TIAM2: variants seen among roughly 807,000 people sequenced by gnomAD.
TIAM2 encodes the protein TIAM Rac1 associated GEF 2, also known as rho guanine nucleotide exchange factor TIAM2.
A neutral mutation model predicts 152.9 loss-of-function variants in TIAM2; 80 were observed. That is an observed-to-expected ratio of 0.52 (90% CI 0.44 to 0.63). The LOEUF (loss-of-function observed/expected upper bound fraction) is 0.63, where lower values mean the gene tolerates loss of function less well. TIAM2 is among the 30% of genes least tolerant of loss of function. The pLI, the probability that TIAM2 is intolerant of heterozygous loss-of-function variation, is 0.00. For synonymous variants in TIAM2, 804 were observed against 838.0 expected (o/e 0.96, Z 0.70); for missense variants, 1,965 against 2,120.1 (o/e 0.93, Z 1.44).
chr6:155,188,268 A>C (rs1781104417), intron 14 of TIAM2, among the ~76,000 whole-genome samples: 1 of 152,198 alleles, frequency 6.6e-6, no homozygotes, highest in African/African-American at 2.4e-5. Context: ...TCCATTTGGC[A>C]AATCGCTTAC....
chr6:155,198,901 C>T (rs911850291), intron 14 of TIAM2, among the ~76,000 whole-genome samples: 2 of 152,008 alleles, frequency 1.3e-5, no homozygotes, highest in Admixed American at 1.3e-4. Context: ...GGTGGAGAAC[C>T]ACATGCCCCA....
intron 14 of TIAM2, among the ~76,000 whole-genome samples, chr6:155,206,032 A>G (rs1200475367): frequency 6.6e-6 from 1 of 152,150 alleles, no homozygotes; most frequent in Non-Finnish European, 1.5e-5. Flanking sequence ...CTTTCGTTGT[A>G]AAGGATCTGG....
At chr6:155,029,160 T>A (rs1192208029) in intron 1 of TIAM2, among the ~76,000 whole-genome samples, 2 of 113,848 alleles carry the variant, frequency 1.8e-5, no homozygotes, top group African/African-American at 6.3e-5. Context: ...GTACTATGTG[T>A]TATATACACT....
chr6:155,081,676 C>G (rs62427482), intron 1 of TIAM2, among the ~76,000 whole-genome samples: 3,623 of 152,300 alleles, frequency 0.024, 70 homozygotes, highest in Middle Eastern at 0.058. Context: ...ATAGGGATGG[C>G]TCAGCCTCCG....
In TIAM2 at chr6:155,138,659, C is replaced by A. The variant is rs1456611698; in HGVS notation, c.1630+1047C>A. ...GTCCATGTGTTCTCATTGTTCAATT[C>A]CCACCTATGAGTGAGAACATGCGGT... On this transcript the variant is annotated intron_variant, in intron 5 of 26. Transcript: ENST00000682666. Among the ~76,000 whole-genome samples, 6 of 152,066 alleles carry A rather than the reference C, an allele frequency of 3.9e-5. No homozygotes were observed. In the East Asian group the frequency reaches 7.7e-4, roughly 20 times the overall value.
chr6:155,245,859 T>C (rs1164714889), intron 19 of TIAM2, 128 bp downstream of exon 19: 7 of 549,896 alleles, frequency 1.3e-5, no homozygotes, highest in Admixed American at 3.7e-5. Flanking sequence ...ATCCTTGACC[T>C]TGACAGTGGC....
intron 26 of TIAM2, chr6:155,255,504 T>C (rs1783943414): frequency 6.6e-6 from 1 of 152,224 alleles, no homozygotes; most frequent in African/African-American, 2.4e-5. Context: ...ACATATTTAC[T>C]ATTTTCTCCA....
intron 7 of TIAM2, among the ~76,000 whole-genome samples, chr6:155,152,600 A>G (rs776008605): frequency 1.3e-5 from 2 of 152,196 alleles, no homozygotes; most frequent in Non-Finnish European, 2.9e-5. Context: ...CGGCAGCCAC[A>G]GCCTGTCTAT....
At chr6:155,039,503 T>C (rs892740493) in intron 1 of TIAM2, among the ~76,000 whole-genome samples, 36 of 152,030 alleles carry the variant, frequency 2.4e-4, no homozygotes, top group African/African-American at 8.7e-4. Flanking sequence ...AGGTTCTTTG[T>C]CTGCACTGAA....
chr6:155,029,504 T>G lies in TIAM2; in HGVS notation c.-209+34012T>G, dbSNP rs1461275877. On this transcript the variant is annotated intron_variant, in intron 1 of 26. Transcript: ENST00000682666. Reference sequence around the variant, plus strand: ...TATATACTATAGTATATATTATATATAATATATACTATATATTATAGTATA... The same window carrying G: ...TATATACTATAGTATATATTATATAGAATATATACTATATATTATAGTATA... Among the ~76,000 whole-genome samples, 4 of 16,144 alleles carry G rather than the reference T, an allele frequency of 2.5e-4. 1 individual carries two copies. Among genetic ancestry groups the G allele is most frequent in the African/African-American group, 7.6e-4 (3 of 3,952 alleles). The allele number at this position is 16,144 out of a possible 152,430, so 10.6% of individuals were successfully genotyped here.
intron 15 of TIAM2, chr6:155,217,038 G>T: frequency 1.6e-6 from 2 of 1,288,854 alleles, no homozygotes; most frequent in Non-Finnish European, 2.0e-6. Flanking sequence ...GATGTGATCC[G>T]TTCTCCCAGA....
intron 1 of TIAM2, among the ~76,000 whole-genome samples, chr6:155,087,487 G>A (rs942491485): frequency 1.1e-4 from 17 of 152,038 alleles, no homozygotes; most frequent in Non-Finnish European, 1.5e-4. Context: ...AGTGGCTCAC[G>A]CCTGTAATTC....
chr6:155,038,953 C>CT (rs33971396), intron 1 of TIAM2, among the ~76,000 whole-genome samples: 474 of 64,136 alleles, frequency 7.4e-3, no homozygotes, highest in East Asian at 0.016. Context: ...TGAGCATGTC[C>CT]TTTTTTTTTT....
chr6:155,065,254 A>G (rs1777667901), intron 1 of TIAM2, among the ~76,000 whole-genome samples: 1 of 151,882 alleles, frequency 6.6e-6, no homozygotes, highest in South Asian at 2.1e-4. Context: ...ATACCCGGCC[A>G]TATATACAGT....
intron 9 of TIAM2, among the ~76,000 whole-genome samples, chr6:155,166,806 T>C (rs995581277): frequency 1.3e-5 from 2 of 152,240 alleles, no homozygotes; most frequent in African/African-American, 4.8e-5. Context: ...GATTATTCTG[T>C]TTCAAAGCTG....
At chr6:155,123,185 G>GTTT (rs34702441) in intron 2 of TIAM2, among the ~76,000 whole-genome samples, 3 of 148,144 alleles carry the variant, frequency 2.0e-5, no homozygotes, top group African/African-American at 4.9e-5. Flanking sequence ...GTTTAAGGCT[G>GTTT]TTTTTTTTTT....
At chr6:155,244,828 G>T (rs200159188) in intron 18 of TIAM2, 45 bp downstream of exon 18, 1 of 1,561,690 alleles carries the variant, frequency 6.4e-7, no homozygotes, top group East Asian at 2.3e-5. Context: ...ACGTGGCTAT[G>T]GTACGTATTT....
chr6:155,249,794 G>A (rs1783541945), intron 20 of TIAM2, 57 bp from the exon 21 acceptor site: 2 of 1,434,302 alleles, frequency 1.4e-6, no homozygotes, highest in South Asian at 1.3e-5. Flanking sequence ...TATTACTGTT[G>A]GATAGAATCT....
In TIAM2 at chr6:155,078,910, T is replaced by C. The variant is rs533454461; in HGVS notation, c.-208-11379T>C. ...ATCCCAAATATATCTTCCTCTAGTT[T>C]GACTTGATGATCTTAGTGGTTATTG... On this transcript the variant is annotated intron_variant, in intron 1 of 26. Coordinates refer to ENST00000682666, the MANE Select transcript of TIAM2 (RefSeq NM_012454.4). Among the ~76,000 whole-genome samples the C allele has an allele frequency of 1.4e-4, 21 of 152,360 alleles. No homozygotes were observed. The South Asian group carries it at 4.3e-3, about 32-fold the overall frequency.
Sources: allele counts gnomAD v4.1 joint callset (sites outside exome capture counted in the v4.1 genomes callset), GRCh38; gene constraint gnomAD v4.1.1; transcripts MANE v1.5; gene names NCBI Gene and HGNC (gene_info 2026-07-23, HGNC 2026-07-21).